Variants in UBE2V2 observed in about 807,000 individuals in gnomAD.
UBE2V2 encodes ubiquitin conjugating enzyme E2 V2, also known as ubiquitin-conjugating enzyme E2 variant 2.
A neutral mutation model predicts 17.2 loss-of-function variants in UBE2V2; 9 were observed. That is an observed-to-expected ratio of 0.52 (90% CI 0.32 to 0.91). The LOEUF (loss-of-function observed/expected upper bound fraction) is 0.91. UBE2V2 is among the 40% of genes least tolerant of loss of function. The pLI is 0.04. For missense variants in UBE2V2, 133 were observed against 182.6 expected (o/e 0.73, Z 1.56); for synonymous variants, 61 against 57.5 (o/e 1.06, Z -0.28).
At chr8:48,056,660 G>C (rs2154508166) in intron 3 of UBE2V2, among the ~76,000 whole-genome samples, 1 of 151,428 alleles carries the variant, frequency 6.6e-6, no homozygotes, top group South Asian at 2.1e-4. Flanking sequence ...CCAAAGTATT[G>C]GGATTACAGG....
At chr8:48,026,768 A>G (rs2091349209) in intron 1 of UBE2V2, among the ~76,000 whole-genome samples, 1 of 152,216 alleles carries the variant, frequency 6.6e-6, no homozygotes, top group South Asian at 2.1e-4. Flanking sequence ...TTATGGCTGA[A>G]GAATATTCCA....
At chr8:48,057,809 T>G (rs1765291081) in intron 3 of UBE2V2, among the ~76,000 whole-genome samples, 1 of 152,176 alleles carries the variant, frequency 6.6e-6, no homozygotes, top group South Asian at 2.1e-4. Flanking sequence ...AAAAACTAAT[T>G]ATTGTATATG....
At chr8:47,998,689 A>T in the UBE2V2 span, among the ~76,000 whole-genome samples, 1 of 151,460 alleles carries the variant, frequency 6.6e-6, no homozygotes, top group Non-Finnish European at 1.5e-5. Context: ...AGAGAGAGAG[A>T]GAAAGAGAGA....
At chr8:48,055,151 T>G (rs2091563336) in intron 3 of UBE2V2, among the ~76,000 whole-genome samples, 1 of 152,058 alleles carries the variant, frequency 6.6e-6, no homozygotes, top group Admixed American at 6.6e-5. Context: ...ATTTTAAATG[T>G]ACCTTACCAT....
chr8:48,033,753 T>TTCG (rs2091400794), intron 1 of UBE2V2, among the ~76,000 whole-genome samples: 1 of 151,394 alleles, frequency 6.6e-6, no homozygotes, highest in Non-Finnish European at 1.5e-5. Flanking sequence ...AGCCCAGGAG[T>TTCG]TCGAGACTAG....
At chr8:48,006,692 CAT>C (rs1159953665), upstream of UBE2V2, among the ~76,000 whole-genome samples, 2 of 152,064 alleles carry the variant, frequency 1.3e-5, no homozygotes, top group Admixed American at 6.6e-5. Context: ...ACAAAAACCA[CAT>C]GATTATCTCA....
rs999736264 is a variant in UBE2V2 at position 48,063,157 on chromosome 8, C to T, written c.*2329C>T. The T allele has an allele frequency of 3.9e-5, 6 of 152,232 alleles. No individual in the cohort carries two copies. Among genetic ancestry groups the T allele is most frequent in the African/African-American group, 1.4e-4 (6 of 41,466 alleles). The allele number at this position is 152,232 out of a possible 1,614,324, so 9.4% of individuals were successfully genotyped here. A position where few individuals can be genotyped will look rare whatever the true frequency, so the allele number is the denominator to read the frequency against. The stretch of plus-strand genomic sequence containing the variant: ...GAAGTTGCCAACCCCCTGCCGCCTT[C>T]CCCTGCCAAGTACATGTTGTCAGAG... On this transcript the variant is annotated 3_prime_UTR_variant, in exon 4 of 4. Transcript: ENST00000523111.
At chr8:48,057,963 C>T (rs1343524843) in intron 3 of UBE2V2, among the ~76,000 whole-genome samples, 2 of 152,102 alleles carry the variant, frequency 1.3e-5, no homozygotes, top group East Asian at 3.9e-4. Flanking sequence ...TCTTTCTAAT[C>T]AGGGTGCCTT....
intron 1 of UBE2V2, among the ~76,000 whole-genome samples, chr8:48,017,300 T>A (rs371795288): frequency 7.9e-5 from 12 of 152,328 alleles, no homozygotes; most frequent in South Asian, 4.1e-4. Flanking sequence ...ATGGAGTTCC[T>A]TATATATTTT....
intron 3 of UBE2V2, among the ~76,000 whole-genome samples, chr8:48,060,231 A>G: frequency 6.6e-6 from 1 of 151,022 alleles, no homozygotes; most frequent in Non-Finnish European, 1.5e-5. Flanking sequence ...AAAAAAAAAA[A>G]AAGGAAAGAA....
intron 3 of UBE2V2, among the ~76,000 whole-genome samples, chr8:48,052,773 G>A (rs2091547208): frequency 6.6e-6 from 1 of 152,182 alleles, no homozygotes; most frequent in African/African-American, 2.4e-5. Context: ...TCTTGCCATG[G>A]CTCACTGGGA....
intron 1 of UBE2V2, among the ~76,000 whole-genome samples, chr8:48,040,045 T>C (rs939832231): frequency 6.6e-6 from 1 of 151,888 alleles, no homozygotes; most frequent in African/African-American, 2.4e-5. Context: ...TTCTACTTTT[T>C]TTTTTTTTTT....
At chr8:48,021,667 C>T (rs947558887) in intron 1 of UBE2V2, among the ~76,000 whole-genome samples, 3 of 151,568 alleles carry the variant, frequency 2.0e-5, no homozygotes, top group African/African-American at 4.8e-5. Flanking sequence ...GCTGGGATTA[C>T]AGGTATGAGC....
rs1467589210 is a variant in UBE2V2 at position 48,053,350 on chromosome 8, A to AG, written c.291+3372_291+3373insG. On this transcript the variant is annotated intron_variant, in intron 3 of 3. Coordinates refer to ENST00000523111, the MANE Select transcript of UBE2V2 (RefSeq NM_003350.3). ...AATAGAAGTTTTAGAGAATGATAGA[A>AG]CCAGCATCTATGTGTCCTTCACCTA... Among the ~76,000 whole-genome samples the AG allele has an allele frequency of 2.6e-5, 4 of 152,150 alleles. No homozygotes were observed. In the East Asian group the frequency reaches 7.7e-4, roughly 29 times the overall value.
At chr8:48,053,394 AT>A (rs1449929959) in intron 3 of UBE2V2, among the ~76,000 whole-genome samples, 1 of 146,740 alleles carries the variant, frequency 6.8e-6, no homozygotes, top group African/African-American at 2.5e-5. Context: ...AAATGTTAAC[AT>A]TTGTCTTATT....
Sources: gnomAD v4.1 joint callset for allele counts (sites outside exome capture counted in the v4.1 genomes callset) on GRCh38, gnomAD v4.1.1 for gene constraint, MANE v1.5 for transcripts, NCBI Gene and HGNC (gene_info 2026-07-23, HGNC 2026-07-21) for gene names.